Variants in TMTC2 observed in about 807,000 individuals in gnomAD.
TMTC2 encodes transmembrane O-mannosyltransferase targeting cadherins 2.
In TMTC2, 43 loss-of-function variants were observed where a neutral mutation model predicts 82.4. The observed-to-expected ratio is 0.52, with a 90% CI of 0.41 to 0.67. The LOEUF is 0.67. Ranked by LOEUF, TMTC2 falls within the 30% of genes least tolerant of loss-of-function variation. The pLI is 0.00. For synonymous variants in TMTC2, 408 were observed against 381.9 expected (o/e 1.07, Z -0.80); for missense variants, 919 against 1,012.4 (o/e 0.91, Z 1.25).
At chr12:83,056,786 G>A (rs187419931) in intron 10 of TMTC2, among the ~76,000 whole-genome samples, 1 of 151,984 alleles carries the variant, frequency 6.6e-6, no homozygotes, top group Admixed American at 6.6e-5. Context: ...CAACCATGCT[G>A]TAATGGACCA....
intron 1 of TMTC2, among the ~76,000 whole-genome samples, chr12:82,784,564 A>C (rs1216356175): frequency 6.6e-6 from 1 of 152,108 alleles, no homozygotes; most frequent in Non-Finnish European, 1.5e-5. Context: ...GGAAAGCTGA[A>C]GTTGTGAACA....
chr12:82,942,932 A>C (rs1876802902), intron 4 of TMTC2, among the ~76,000 whole-genome samples: 1 of 152,208 alleles, frequency 6.6e-6, no homozygotes, highest in Non-Finnish European at 1.5e-5. Context: ...TAAAATTATA[A>C]ATTGTATATA....
intron 3 of TMTC2, among the ~76,000 whole-genome samples, chr12:82,905,795 A>G (rs2137199354): frequency 6.6e-6 from 1 of 152,144 alleles, no homozygotes. Context: ...AAATACAAAA[A>G]TTAGCCGGGC....
chr12:83,063,770 C>T (rs527654969), intron 11 of TMTC2, among the ~76,000 whole-genome samples: 59 of 151,984 alleles, frequency 3.9e-4, no homozygotes, highest in South Asian at 8.3e-4. Flanking sequence ...AGTGGCTATA[C>T]AGCAGTGAAC....
intron 1 of TMTC2, among the ~76,000 whole-genome samples, chr12:82,837,437 G>C (rs1052373702): frequency 6.6e-6 from 1 of 152,066 alleles, no homozygotes; most frequent in African/African-American, 2.4e-5. Flanking sequence ...ATGAGACCCT[G>C]TCTCTAAAAA....
intron 1 of TMTC2, among the ~76,000 whole-genome samples, chr12:82,749,742 T>TCTTTC (rs201342139): frequency 6.9e-6 from 1 of 145,962 alleles, no homozygotes; most frequent in African/African-American, 2.6e-5. Flanking sequence ...TTTCTTTCTT[T>TCTTTC]TTTTTTTTTT....
At chr12:82,866,257 A>AAC (rs903892720) in intron 2 of TMTC2, among the ~76,000 whole-genome samples, 17 of 152,020 alleles carry the variant, frequency 1.1e-4, no homozygotes, top group African/African-American at 4.1e-4. Context: ...AAAAAAAAAA[A>AAC]AAAAAACAAA....
intron 1 of TMTC2, among the ~76,000 whole-genome samples, chr12:82,696,110 G>C (rs1206494620): frequency 6.6e-6 from 1 of 152,122 alleles, no homozygotes; most frequent in Non-Finnish European, 1.5e-5. Flanking sequence ...ATCTCATTTT[G>C]ACAAAGCAAG....
At chr12:82,723,572 G>A (rs1377839645) in intron 1 of TMTC2, among the ~76,000 whole-genome samples, 2 of 152,144 alleles carry the variant, frequency 1.3e-5, no homozygotes, top group African/African-American at 4.8e-5. Flanking sequence ...TAGATTGAAA[G>A]TAATTTTATT....
intron 11 of TMTC2, among the ~76,000 whole-genome samples, chr12:83,103,813 C>G (rs1190903986): frequency 2.0e-5 from 3 of 152,246 alleles, no homozygotes; most frequent in Non-Finnish European, 2.9e-5. Flanking sequence ...ATAATCTCAT[C>G]TGACATAAGT....
chr12:82,974,730 T>C (rs183149454), intron 7 of TMTC2, among the ~76,000 whole-genome samples: 3 of 152,294 alleles, frequency 2.0e-5, no homozygotes, highest in African/African-American at 7.2e-5. Flanking sequence ...GAGAAAATCA[T>C]CTATTTCATG....
intron 7 of TMTC2, among the ~76,000 whole-genome samples, chr12:82,977,940 A>G (rs1440449502): frequency 1.3e-5 from 2 of 151,670 alleles, no homozygotes; most frequent in Non-Finnish European, 3.0e-5. Context: ...ACTGGAAGGA[A>G]CCTAGATGCT....
intron 8 of TMTC2, among the ~76,000 whole-genome samples, chr12:83,011,461 C>T (rs895115767): frequency 6.6e-5 from 10 of 152,110 alleles, no homozygotes; most frequent in East Asian, 1.9e-4. Context: ...ACTTGATAGT[C>T]GTTAACCATT....
intron 1 of TMTC2, among the ~76,000 whole-genome samples, chr12:82,855,756 G>T (rs1871234163): frequency 6.6e-6 from 1 of 152,174 alleles, no homozygotes; most frequent in Non-Finnish European, 1.5e-5. Context: ...GTACTTTTGA[G>T]TCTTTAATCC....
intron 2 of TMTC2, among the ~76,000 whole-genome samples, chr12:82,866,262 A>C (rs1355753325): frequency 6.6e-6 from 1 of 151,798 alleles, no homozygotes; most frequent in African/African-American, 2.4e-5. Context: ...AAAAAAAAAA[A>C]ACAAAAAACT....
At chr12:82,822,099 A>G (rs1869151567) in intron 1 of TMTC2, among the ~76,000 whole-genome samples, 1 of 152,142 alleles carries the variant, frequency 6.6e-6, no homozygotes, top group Non-Finnish European at 1.5e-5. Context: ...TTCTAACTGT[A>G]TGACATTCTG....
intron 11 of TMTC2, among the ~76,000 whole-genome samples, chr12:83,070,565 C>A (rs750382700): frequency 3.3e-5 from 5 of 151,966 alleles, no homozygotes; most frequent in African/African-American, 7.3e-5. Context: ...TTGCTGAATT[C>A]TTTTATTAGT....
chr12:82,812,844 G>T (rs1868475228), intron 1 of TMTC2, among the ~76,000 whole-genome samples: 1 of 151,758 alleles, frequency 6.6e-6, no homozygotes, highest in African/African-American at 2.4e-5. Flanking sequence ...AACATGATTT[G>T]TAGGATTAAA....
chr12:82,898,922 G>A (rs1873818718), intron 3 of TMTC2, among the ~76,000 whole-genome samples: 1 of 152,190 alleles, frequency 6.6e-6, no homozygotes, highest in African/African-American at 2.4e-5. Flanking sequence ...CAGAATAAGT[G>A]AAAACGTTTT....
Sources: allele counts gnomAD v4.1 joint callset (sites outside exome capture counted in the v4.1 genomes callset), GRCh38; gene constraint gnomAD v4.1.1; transcripts MANE v1.5; gene names NCBI Gene and HGNC (gene_info 2026-07-23, HGNC 2026-07-21).